Variants in MANBA observed in about 807,000 individuals in gnomAD.
MANBA encodes mannosidase beta, also known as beta-mannosidase.
In MANBA, 83 loss-of-function variants were observed where a neutral mutation model predicts 111.1. That is an observed-to-expected ratio of 0.75 (90% CI 0.63 to 0.90). The LOEUF is 0.90. MANBA is among the 40% of genes least tolerant of loss of function. The pLI is 0.00. For missense variants in MANBA, 1,036 were observed against 1,069.0 expected (o/e 0.97, Z 0.43); for synonymous variants, 370 against 378.7 (o/e 0.98, Z 0.27).
At chr4:102,746,525 G>C (rs1723591776) in intron 1 of MANBA, among the ~76,000 whole-genome samples, 1 of 152,120 alleles carries the variant, frequency 6.6e-6, no homozygotes, top group African/African-American at 2.4e-5. Flanking sequence ...TATGTTCCTT[G>C]GTTCTCCACA....
chr4:102,647,682 T>C (rs1056089642), intron 13 of MANBA, among the ~76,000 whole-genome samples: 1 of 152,126 alleles, frequency 6.6e-6, no homozygotes, highest in Non-Finnish European at 1.5e-5. Flanking sequence ...GATACCAACA[T>C]TGCCTTTAAC....
intron 1 of MANBA, chr4:102,729,194 G>A (rs1722929307): frequency 2.8e-6 from 2 of 724,812 alleles, no homozygotes; most frequent in Admixed American, 3.7e-5. Context: ...GAAGCCCTCT[G>A]GCCTTTGAGG....
In MANBA at chr4:102,635,995, T is replaced by G. The variant is rs963464549; in HGVS notation, c.2027A>C (p.Lys676Thr). 6.2e-7 allele frequency: 1 copy of G among 1,613,740 alleles called. No homozygotes were observed. The highest frequency in any genetic ancestry group is 8.5e-7 in the Non-Finnish European group (1 of 1,179,652). The change falls in exon 15 of 17, where the codon AAG becomes ACG. Residue 676 changes from lysine (K) to threonine (T), a missense_variant. Physicochemically the swap from Lys to Thr is moderately conservative, Grantham distance 78. Coordinates refer to ENST00000647097, the MANE Select transcript of MANBA (RefSeq NM_005908.4). ...PSWASLEYGG[K>T]WKMLHYFAQN... ...AGCAAAGTAATGAAGCATTTTCCACTTTCCTCCGTACTCTGAAAATAATCA... is the reference window on the plus strand; with the variant it reads ...AGCAAAGTAATGAAGCATTTTCCACGTTCCTCCGTACTCTGAAAATAATCA...
intron 1 of MANBA, among the ~76,000 whole-genome samples, chr4:102,737,815 C>T (rs145652998): frequency 3.9e-5 from 6 of 152,140 alleles, no homozygotes; most frequent in Non-Finnish European, 8.8e-5. Context: ...TTTTCCCTAG[C>T]GAACTGTATG....
chr4:102,734,754 AGACAGTCAT>A, intron 1 of MANBA: 1 of 610,838 alleles, frequency 1.6e-6, no homozygotes, highest in South Asian at 2.0e-5. Context: ...TCAGAGATCT[AGACAGTCAT>A]GACAGTCCCC....
At position 102,722,121 on chromosome 4, in the gene MANBA, T is replaced by G. The variant is rs1463971868; in HGVS notation, c.549+750A>C. Among the ~76,000 whole-genome samples, 3 of 151,760 alleles carry G rather than the reference T, an allele frequency of 2.0e-5. No individual in the cohort carries two copies. In the East Asian group the frequency reaches 5.8e-4, roughly 29 times the overall value. On this transcript the variant is annotated intron_variant, in intron 4 of 16. Coordinates refer to ENST00000647097, the MANE Select transcript of MANBA (RefSeq NM_005908.4). ...GAGAAGGAAATGGAGAGCTATTGTT[T>G]AAACAATAATGGGTATAATATAATA...
intron 5 of MANBA, among the ~76,000 whole-genome samples, chr4:102,708,793 T>C (rs1416551508): frequency 6.6e-6 from 1 of 151,764 alleles, no homozygotes; most frequent in Admixed American, 6.6e-5. Context: ...AATCAGAAAG[T>C]TGTACTTTAG....
chr4:102,656,372 C>T (rs1172200932), intron 12 of MANBA, among the ~76,000 whole-genome samples: 1 of 151,918 alleles, frequency 6.6e-6, no homozygotes, highest in Non-Finnish European at 1.5e-5. Flanking sequence ...CAAGGATATG[C>T]AAATTTCCTG....
At chr4:102,636,177 A>ATTATG (rs1390204693) in intron 14 of MANBA, among the ~76,000 whole-genome samples, 170 bp from the exon 15 acceptor site, 2 of 152,190 alleles carry the variant, frequency 1.3e-5, no homozygotes, top group Admixed American at 1.3e-4. Context: ...CACTCTGGAC[A>ATTATG]TTATGTCATG....
intron 1 of MANBA, among the ~76,000 whole-genome samples, chr4:102,740,807 T>C (rs1723374594): frequency 6.6e-6 from 1 of 152,030 alleles, no homozygotes; most frequent in African/African-American, 2.4e-5. Context: ...ACTTGATAGA[T>C]CAAAGTCTTA....
At chr4:102,659,374 A>AC (rs1178540434) in intron 11 of MANBA, among the ~76,000 whole-genome samples, 1 of 152,110 alleles carries the variant, frequency 6.6e-6, no homozygotes, top group East Asian at 1.9e-4. Context: ...TCAACTTTTC[A>AC]CCATTAGGTT....
chr4:102,729,849 T>C (rs1722963336), intron 1 of MANBA: 1 of 1,415,478 alleles, frequency 7.1e-7, no homozygotes. Flanking sequence ...GAACCATACC[T>C]TGTCTATGAA....
intron 12 of MANBA, among the ~76,000 whole-genome samples, chr4:102,652,479 C>T (rs1730378426): frequency 6.6e-6 from 1 of 152,140 alleles, no homozygotes; most frequent in South Asian, 2.1e-4. Flanking sequence ...GTGTGAAAAT[C>T]TTTCAAATTT....
chr4:102,638,115 A>C (rs1343945323), intron 14 of MANBA, among the ~76,000 whole-genome samples: 2 of 152,086 alleles, frequency 1.3e-5, no homozygotes, highest in Non-Finnish European at 2.9e-5. Context: ...GTTGTTGTGG[A>C]GTGAGGGAAT....
At position 102,726,645 on chromosome 4, in the gene MANBA, C is replaced by T. The variant is rs1722816975; in HGVS notation, c.216G>A (p.Trp72Ter). ...YYRFNDLNYR[W>*]VSLDNWTYSK... ...TATAGGTCCAGTTATCCAAAGAGAC[C>T]CATCTGTAGTTAAGGTCATTAAATC... Residue 72 changes from tryptophan (W) to a stop codon, truncating the protein, a stop_gained, in exon 2 of 17, where the codon TGG (tryptophan) becomes TGA (stop). Coordinates refer to ENST00000647097, the MANE Select transcript of MANBA (RefSeq NM_005908.4). LOFTEE classifies it high-confidence loss of function. 6.4e-7 allele frequency: 1 copy of T among 1,574,054 alleles called. No individual in the cohort carries two copies. Among genetic ancestry groups the T allele is most frequent in the Admixed American group, 1.7e-5 (1 of 59,824 alleles).
At chr4:102,744,471 T>A (rs1480031965) in intron 1 of MANBA, among the ~76,000 whole-genome samples, 1 of 152,236 alleles carries the variant, frequency 6.6e-6, no homozygotes, top group Non-Finnish European at 1.5e-5. Context: ...AGAGTTGATA[T>A]GTCCCTGAGG....
chr4:102,745,745 A>G (rs1339911609), intron 1 of MANBA, among the ~76,000 whole-genome samples: 1 of 152,198 alleles, frequency 6.6e-6, no homozygotes, highest in Non-Finnish European at 1.5e-5. Context: ...TCAAATCAAT[A>G]AGTCCAGCCT....
At chr4:102,689,355 A>G (rs1466702682) in intron 7 of MANBA, among the ~76,000 whole-genome samples, 1,490 of 112,082 alleles carry the variant, frequency 0.013, 23 homozygotes, top group African/African-American at 0.049. Context: ...TCTCAAAAAA[A>G]AAAAATATAT....
chr4:102,744,791 C>T (rs1004518377), intron 1 of MANBA, among the ~76,000 whole-genome samples: 1 of 152,176 alleles, frequency 6.6e-6, no homozygotes, highest in Non-Finnish European at 1.5e-5. Flanking sequence ...CTTTCAGGTC[C>T]TTGATGGTGG....
Sources: allele counts gnomAD v4.1 joint callset (sites outside exome capture counted in the v4.1 genomes callset), GRCh38; gene constraint gnomAD v4.1.1; transcripts MANE v1.5; gene names NCBI Gene and HGNC (gene_info 2026-07-23, HGNC 2026-07-21).